COL24A1: variants seen among roughly 807,000 people sequenced by gnomAD.
COL24A1 encodes the protein collagen alpha-1(XXIV) chain.
In COL24A1, 224 loss-of-function variants were observed where a neutral mutation model predicts 253.9. That is an observed-to-expected ratio of 0.88 (90% confidence interval 0.79 to 0.99). The LOEUF is 0.99. Among genes scored for constraint, COL24A1 ranks in the 50% least tolerant of loss-of-function variants. The probability of loss-of-function intolerance (pLI) is 0.00; values close to 1 mark genes in which losing one functional copy is unlikely to be tolerated. For missense variants in COL24A1, 2,131 were observed against 2,068.5 expected, an observed-to-expected ratio of 1.03 and a Z score of -0.59; for synonymous variants, 685 against 673.7, an observed-to-expected ratio of 1.02 and a Z score of -0.26.
intron 32 of COL24A1, among the ~76,000 whole-genome samples, chr1:85,888,664 A>G (rs1381996101): frequency 6.6e-6 from 1 of 152,110 alleles, no homozygotes; most frequent in Non-Finnish European, 1.5e-5. Flanking sequence ...AATCAACAAC[A>G]TATCTAAGAT....
intron 37 of COL24A1, among the ~76,000 whole-genome samples, chr1:85,855,679 T>G (rs1678349314): frequency 6.6e-6 from 1 of 152,024 alleles, no homozygotes; most frequent in Non-Finnish European, 1.5e-5. Context: ...CTTCTTTTTT[T>G]GTTGTTGTAT....
intron 19 of COL24A1, among the ~76,000 whole-genome samples, chr1:85,991,003 A>C (rs539890664): frequency 6.6e-6 from 1 of 152,374 alleles, no homozygotes; most frequent in South Asian, 2.1e-4. Flanking sequence ...TCCATTTTGC[A>C]ATGATACAAA....
intron 5 of COL24A1, among the ~76,000 whole-genome samples, chr1:86,099,204 T>G (rs1704243356): frequency 6.6e-6 from 1 of 152,136 alleles, no homozygotes; most frequent in African/African-American, 2.4e-5. Flanking sequence ...TATTTCCGAG[T>G]GATAATGAAA....
chr1:86,128,288 C>T (rs899843644), intron 2 of COL24A1, among the ~76,000 whole-genome samples: 2 of 152,032 alleles, frequency 1.3e-5, no homozygotes, highest in South Asian at 4.2e-4. Flanking sequence ...TTTACACCGC[C>T]GAAACTAGCT....
chr1:85,903,365 T>C (rs955424150), intron 28 of COL24A1, among the ~76,000 whole-genome samples: 6 of 152,194 alleles, frequency 3.9e-5, no homozygotes, highest in African/African-American at 1.4e-4. Flanking sequence ...TCAACATCTT[T>C]AAATTTCACG....
chr1:85,772,107 T>G (rs1668036291), intron 53 of COL24A1, among the ~76,000 whole-genome samples: 2 of 149,808 alleles, frequency 1.3e-5, no homozygotes, highest in Non-Finnish European at 3.0e-5. Context: ...ATTTCATCCA[T>G]GTCCCTACAA....
chr1:85,901,041 C>G (rs1474664442), intron 28 of COL24A1, among the ~76,000 whole-genome samples: 1 of 151,926 alleles, frequency 6.6e-6, no homozygotes, highest in African/African-American at 2.4e-5. Context: ...GAAACAAAAC[C>G]AAAAATAGAC....
At chr1:86,151,205 T>G (rs1053664624) in intron 1 of COL24A1, among the ~76,000 whole-genome samples, 3 of 152,126 alleles carry the variant, frequency 2.0e-5, no homozygotes, top group African/African-American at 7.2e-5. Flanking sequence ...TAACCTAAAA[T>G]AGTCTACTAA....
At chr1:86,094,427 G>T (rs190741629) in intron 5 of COL24A1, among the ~76,000 whole-genome samples, 209 of 152,098 alleles carry the variant, frequency 1.4e-3, no homozygotes, top group Admixed American at 3.3e-3. Context: ...TCACTTATAA[G>T]TGAGAGCTAA....
At chr1:85,910,094 AATCATGTCTTAC>A (rs1685222510) in intron 25 of COL24A1, 91 bp from the exon 26 acceptor site, 1 of 1,003,880 alleles carries the variant, frequency 1.0e-6, no homozygotes, top group Admixed American at 2.3e-5. Flanking sequence ...TGTCATCCAG[AATCATGTCTTAC>A]ATGCATACAT....
At chr1:86,138,103 C>T (rs1303251871) in intron 2 of COL24A1, among the ~76,000 whole-genome samples, 2 of 152,132 alleles carry the variant, frequency 1.3e-5, no homozygotes, top group African/African-American at 4.8e-5. Flanking sequence ...GGCATTTGTA[C>T]TTACTGTTCT....
At chr1:86,108,620 T>TAAAAAAAAAAAAAAAAAAA (rs55852463) in intron 5 of COL24A1, among the ~76,000 whole-genome samples, 10 of 83,098 alleles carry the variant, frequency 1.2e-4, no homozygotes, top group African/African-American at 5.1e-4. Flanking sequence ...CCATCTCTAC[T>TAAAAAAAAAAAAAAAAAAA]AAAAAAAAAA....
At chr1:85,773,315 C>G (rs1033592281) in intron 53 of COL24A1, among the ~76,000 whole-genome samples, 1 of 152,168 alleles carries the variant, frequency 6.6e-6, no homozygotes, top group Non-Finnish European at 1.5e-5. Flanking sequence ...ATGACTCCAG[C>G]TTTATTCTTC....
In COL24A1 at chr1:85,847,712, T is replaced by A. The variant is rs1677289089; in HGVS notation, c.3415A>T (p.Ile1139Phe). The change falls in exon 39 of 60, where the codon ATT becomes TTT. Residue 1139 changes from isoleucine (I) to phenylalanine (F), a missense_variant. Transcript: ENST00000370571. ...EVGSRGPPGK[I>F]GKSGPKGARG... The stretch of plus-strand genomic sequence containing the variant: ...GCACCCTTAGGACCACTTTTCCCAA[T>A]TTTTCCAGGAGGACCTCTGCTTCCA... 4.3e-6 allele frequency: 7 copies of A among 1,613,750 alleles called. No homozygotes were observed. The African/African-American group carries it at 5.3e-5, about 12-fold the overall frequency.
intron 24 of COL24A1, among the ~76,000 whole-genome samples, chr1:85,923,267 A>G (rs1044471059): frequency 2.6e-5 from 4 of 152,224 alleles, no homozygotes; most frequent in African/African-American, 4.8e-5. Flanking sequence ...TCAACAAGAC[A>G]GAAGGTTAAA....
At chr1:86,114,535 A>G (rs1358295767) in intron 4 of COL24A1, among the ~76,000 whole-genome samples, 1 of 152,174 alleles carries the variant, frequency 6.6e-6, no homozygotes, top group Non-Finnish European at 1.5e-5. Context: ...GAAATGTGAT[A>G]GGTCATCAAC....
chr1:85,929,770 T>A (rs1419128792), intron 24 of COL24A1, among the ~76,000 whole-genome samples: 2 of 150,126 alleles, frequency 1.3e-5, no homozygotes, highest in Non-Finnish European at 3.0e-5. Flanking sequence ...GAACTCAGGA[T>A]TAAGAATCTC....
intron 1 of COL24A1, chr1:86,156,035 C>G (rs957156993): frequency 2.1e-5 from 6 of 288,420 alleles, no homozygotes; most frequent in Non-Finnish European, 3.8e-5. Context: ...TCGTCGGAGC[C>G]CAGCTCTGGA....
Position 85,896,355 on chromosome 1 carries a change from C to G in COL24A1, c.2832+1G>C. The G allele has an allele frequency of 6.2e-7, 1 of 1,612,722 alleles. No homozygotes were observed. Among genetic ancestry groups the G allele is most frequent in the South Asian group, 1.1e-5 (1 of 91,038 alleles). On this transcript the variant is annotated splice_donor_variant, in intron 29 of 59. Coordinates refer to ENST00000370571, the MANE Select transcript of COL24A1 (RefSeq NM_152890.7). LOFTEE classifies it high-confidence loss of function. Reference sequence around the variant, plus strand: ...ATGAAATGAGAAAAATCAATGATTACCTTGGCACCTTGTATACCTTGTTCC... The same window carrying G: ...ATGAAATGAGAAAAATCAATGATTAGCTTGGCACCTTGTATACCTTGTTCC...
Sources: allele counts gnomAD v4.1 joint callset (sites outside exome capture counted in the v4.1 genomes callset), GRCh38; gene constraint gnomAD v4.1.1; transcripts MANE v1.5; gene names NCBI Gene and HGNC (gene_info 2026-07-23, HGNC 2026-07-21).